The following C1orf105 variants were observed in gnomAD, a reference collection of about 807,000 sequenced individuals.
The protein encoded by C1orf105 is chromosome 1 open reading frame 105.
C1orf105 carries 17 observed loss-of-function variants against 20.8 expected under a neutral mutation model. That is an observed-to-expected ratio of 0.82 (90% confidence interval 0.56 to 1.23). The LOEUF (loss-of-function observed/expected upper bound fraction) is 1.23, where lower values mean the gene tolerates loss of function less well. C1orf105 is among the 50% of genes most tolerant of loss of function. The probability of loss-of-function intolerance (pLI) is 0.00; values close to 1 mark genes in which losing one functional copy is unlikely to be tolerated. For missense variants in C1orf105, 219 were observed against 213.5 expected, an observed-to-expected ratio of 1.03 and a Z score of -0.16; for synonymous variants, 72 against 72.1, an observed-to-expected ratio of 1.00 and a Z score of 0.01.
intron 3 of C1orf105, chr1:172,451,048 T>G (rs935101750): frequency 2.0e-5 from 3 of 152,232 alleles, no homozygotes; most frequent in Non-Finnish European, 2.9e-5. Flanking sequence ...AACAGAAAGG[T>G]GCATCATGAT....
At chr1:172,426,329 C>G (rs920969028) in intron 1 of C1orf105, among the ~76,000 whole-genome samples, 1 of 152,074 alleles carries the variant, frequency 6.6e-6, no homozygotes, top group Non-Finnish European at 1.5e-5. Flanking sequence ...TCGCTAAAAC[C>G]CCCAGCTTTG....
chr1:172,467,757 C>T (rs1056042147), intron 6 of C1orf105, among the ~76,000 whole-genome samples: 1 of 152,136 alleles, frequency 6.6e-6, no homozygotes, highest in African/African-American at 2.4e-5. Context: ...ATTCAGAGTT[C>T]CAATTCTCTT....
At chr1:172,460,287 T>C (rs1649596434) in intron 4 of C1orf105, among the ~76,000 whole-genome samples, 1 of 152,242 alleles carries the variant, frequency 6.6e-6, no homozygotes, top group African/African-American at 2.4e-5. Context: ...CCTGGTTATG[T>C]AACTACTCAT....
intron 1 of C1orf105, chr1:172,442,752 CTTTCCTTGT>C (rs1573855770): frequency 2.5e-6 from 2 of 808,946 alleles, no homozygotes; most frequent in East Asian, 4.9e-5. Flanking sequence ...TTCTACCAAC[CTTTCCTTGT>C]TTTCAAAGGC....
chr1:172,437,195 G>C (rs2072066373), intron 1 of C1orf105, among the ~76,000 whole-genome samples: 1 of 152,156 alleles, frequency 6.6e-6, no homozygotes, highest in South Asian at 2.1e-4. Context: ...CAAGGATTTA[G>C]AGCTAGAAAT....
chr1:172,441,893 G>C (rs779645922), intron 1 of C1orf105: 6 of 1,614,176 alleles, frequency 3.7e-6, no homozygotes, highest in Non-Finnish European at 4.2e-6. Flanking sequence ...CTAATGGACA[G>C]TAGGCCTCCC....
chr1:172,436,310 T>C (rs568707616), intron 1 of C1orf105, among the ~76,000 whole-genome samples: 5 of 152,190 alleles, frequency 3.3e-5, no homozygotes, highest in East Asian at 1.9e-4. Context: ...AAGAACAAAG[T>C]TGGAGGCATC....
chr1:172,456,284 C>G, intron 3 of C1orf105, 131 bp from the exon 4 acceptor site: 1 of 754,142 alleles, frequency 1.3e-6, no homozygotes, highest in East Asian at 2.5e-5. Context: ...GGGCTGAGAC[C>G]AGAGTGCCCA....
intron 5 of C1orf105, 76 bp from the exon 6 acceptor site, chr1:172,465,223 A>T (rs1403085448): frequency 8.8e-6 from 6 of 681,682 alleles, no homozygotes; most frequent in African/African-American, 1.9e-5. Flanking sequence ...ATAAAAATAA[A>T]AATGTATAAA....
chr1:172,453,040 G>A, intron 3 of C1orf105: 1 of 1,550,570 alleles, frequency 6.4e-7, no homozygotes. Context: ...AATGAGGCCT[G>A]CAGGACATGG....
chr1:172,447,158 T>A (rs1279104048), intron 2 of C1orf105, among the ~76,000 whole-genome samples: 1 of 152,228 alleles, frequency 6.6e-6, no homozygotes, highest in East Asian at 1.9e-4. Flanking sequence ...CAAAGCCCCT[T>A]ACTGAGACTT....
At chr1:172,437,803 G>A (rs1017131118) in intron 1 of C1orf105, among the ~76,000 whole-genome samples, 17 of 151,484 alleles carry the variant, frequency 1.1e-4, no homozygotes, top group African/African-American at 3.4e-4. Flanking sequence ...ATTGACAAAG[G>A]TAGCTACACT....
intron 3 of C1orf105, among the ~76,000 whole-genome samples, chr1:172,451,593 A>G (rs1278797107): frequency 3.3e-5 from 5 of 152,252 alleles, no homozygotes; most frequent in African/African-American, 1.2e-4. Flanking sequence ...TACAAATACA[A>G]TTTTTAAAGA....
chr1:172,427,880 A>T (rs960411110), intron 1 of C1orf105, among the ~76,000 whole-genome samples: 4 of 152,198 alleles, frequency 2.6e-5, no homozygotes, highest in Non-Finnish European at 5.9e-5. Flanking sequence ...TTATATTGCC[A>T]ACAAATCCCG....
intron 1 of C1orf105, among the ~76,000 whole-genome samples, chr1:172,433,870 A>G (rs1490909655): frequency 6.6e-6 from 1 of 152,344 alleles, no homozygotes; most frequent in East Asian, 1.9e-4. Context: ...TCTCACGTGC[A>G]GAGACACACA....
chr1:172,434,505 T>C (rs1198648202), intron 1 of C1orf105, among the ~76,000 whole-genome samples: 1 of 152,194 alleles, frequency 6.6e-6, no homozygotes, highest in Non-Finnish European at 1.5e-5. Flanking sequence ...GAATGACTAC[T>C]GGGTACATAA....
chr1:172,455,247 C>T (rs1429280387), intron 3 of C1orf105, among the ~76,000 whole-genome samples: 1 of 152,192 alleles, frequency 6.6e-6, no homozygotes, highest in Non-Finnish European at 1.5e-5. Context: ...ATATGTCTCT[C>T]ACAGGATGAA....
At position 172,438,105 on chromosome 1, in the gene C1orf105, G is replaced by A. The variant is rs188902517; in HGVS notation, c.22-6968G>A. ...CATGATATACTGAATATTTTAAGCC[G>A]AGTGTTGAGCCTACTGCTCAGAAAA... On this transcript the variant is annotated intron_variant, in intron 1 of 6. Transcript: ENST00000367727. Among the ~76,000 whole-genome samples the A allele has an allele frequency of 3.3e-5, 5 of 151,548 alleles. 1 individual carries two copies. The highest frequency in any genetic ancestry group is 2.0e-4 in the Admixed American group (3 of 15,266).
At chr1:172,420,975 C>A in intron 1 of C1orf105, 69 bp downstream of exon 1, 2 of 1,407,814 alleles carry the variant, frequency 1.4e-6, no homozygotes, top group South Asian at 1.2e-5. Flanking sequence ...GTTTGTATGC[C>A]TTGGAGGCCA....
Sources: gnomAD v4.1 joint callset for allele counts (sites outside exome capture counted in the v4.1 genomes callset) on GRCh38, gnomAD v4.1.1 for gene constraint, MANE v1.5 for transcripts, NCBI Gene and HGNC (gene_info 2026-07-23, HGNC 2026-07-21) for gene names.